The following PITPNM3 variants were observed in gnomAD, a reference collection of about 807,000 sequenced individuals.
The protein encoded by PITPNM3 is membrane-associated phosphatidylinositol transfer protein 3.
In PITPNM3, 26 loss-of-function variants were observed where a neutral mutation model predicts 102.0. That is an observed-to-expected ratio of 0.25 (90% confidence interval 0.19 to 0.35). The LOEUF (loss-of-function observed/expected upper bound fraction) is 0.35, where lower values mean the gene tolerates loss of function less well. PITPNM3 is among the 10% of genes least tolerant of loss of function. The pLI, the probability that PITPNM3 is intolerant of heterozygous loss-of-function variation, is 1.00. For synonymous variants in PITPNM3, 578 were observed against 558.6 expected (o/e 1.03, Z -0.49); for missense variants, 1,083 against 1,346.1 (o/e 0.80, Z 3.06).
intron 8 of PITPNM3, 131 bp from the exon 9 acceptor site, chr17:6,477,344 A>T (rs1193468198): frequency 1.1e-6 from 1 of 952,250 alleles, no homozygotes; most frequent in African/African-American, 1.6e-5. Flanking sequence ...TTCTTCCAAA[A>T]GACACAGGAA....
chr17:6,497,810 G>A (rs1395605915), intron 4 of PITPNM3, among the ~76,000 whole-genome samples: 1 of 152,214 alleles, frequency 6.6e-6, no homozygotes, highest in African/African-American at 2.4e-5. Context: ...CAATAGACAG[G>A]TCTTCCTGCT....
Position 6,452,005 on chromosome 17 carries a change from G to C in PITPNM3, c.*3333C>G, listed in dbSNP as rs1913871386. ...GATGCAGAGGACCCACGTGCCTCAT[G>C]AAAGACTCCAGGGCACAGGTATGGG... On this transcript the variant is annotated 3_prime_UTR_variant, in exon 20 of 20. Coordinates refer to ENST00000262483, the MANE Select transcript of PITPNM3 (RefSeq NM_031220.4). 1.3e-5 allele frequency: 2 copies of C among 151,350 alleles called. No individual in the cohort carries two copies. Among genetic ancestry groups the C allele is most frequent in the Admixed American group, 1.3e-4 (2 of 15,044 alleles). 9.4% of individuals were successfully genotyped at this position (151,350 alleles called of 1,614,324 possible). A position where few individuals can be genotyped will look rare whatever the true frequency, so the allele number is the denominator to read the frequency against.
chr17:6,506,315 T>C (rs762426847), intron 3 of PITPNM3, among the ~76,000 whole-genome samples: 8 of 152,094 alleles, frequency 5.3e-5, no homozygotes, highest in Non-Finnish European at 1.0e-4. Context: ...TAAAACCTGT[T>C]ATGGTGTTTT....
intron 4 of PITPNM3, among the ~76,000 whole-genome samples, chr17:6,495,347 T>C (rs962110893): frequency 6.6e-6 from 1 of 152,200 alleles, no homozygotes; most frequent in South Asian, 2.1e-4. Flanking sequence ...GGAAGGTTTG[T>C]GGCAGAGCTT....
intron 3 of PITPNM3, among the ~76,000 whole-genome samples, chr17:6,523,717 G>C (rs774935991): frequency 6.6e-6 from 1 of 152,224 alleles, no homozygotes; most frequent in Non-Finnish European, 1.5e-5. Context: ...TGGGATGAAG[G>C]AAAGAGCAGC....
At chr17:6,491,277 T>C (rs1025877818) in intron 4 of PITPNM3, among the ~76,000 whole-genome samples, 1 of 152,010 alleles carries the variant, frequency 6.6e-6, no homozygotes, top group African/African-American at 2.4e-5. Flanking sequence ...GGGAACACAC[T>C]GGCAGAATAA....
rs1049373865 is a variant in PITPNM3, at chr17:6,556,364, C to A, written c.22+21G>T. On this transcript the variant is annotated intron_variant, in intron 1 of 19. Transcript: ENST00000262483. The surrounding 1 kb of genome is among the most constrained non-coding windows in gnomAD (Gnocchi z 5.2). ...TCCCTCCCCCGGGCCCCGGCCCTGC[C>A]CTCCCCGCGCCCGCCCTCACCTGCA... 5.0e-6 allele frequency: 7 copies of A among 1,402,512 alleles called. No individual in the cohort carries two copies. The Admixed American group carries it at 1.6e-4, about 31-fold the overall frequency. The allele number at this position is 1,402,512 out of a possible 1,614,324, so 86.9% of individuals were successfully genotyped here. A position where few individuals can be genotyped will look rare whatever the true frequency, so the allele number is the denominator to read the frequency against.
chr17:6,554,318 C>CAA (rs35188321), intron 1 of PITPNM3, among the ~76,000 whole-genome samples: 1,235 of 74,472 alleles, frequency 0.017, 36 homozygotes, highest in South Asian at 0.05. Context: ...GACTCCATCT[C>CAA]AAAAAAAAAA....
chr17:6,468,881 C>G lies in PITPNM3; in HGVS notation c.1774-540G>C, dbSNP rs1904918191. Reference sequence around the variant, plus strand: ...CTGCTGTCCCTCACAGCAGCACTGACAGAGGACTTAGCCCATATGCTGTCA... The same window carrying G: ...CTGCTGTCCCTCACAGCAGCACTGAGAGAGGACTTAGCCCATATGCTGTCA... On this transcript the variant is annotated intron_variant, in intron 13 of 19. Coordinates refer to ENST00000262483, the MANE Select transcript of PITPNM3 (RefSeq NM_031220.4). The surrounding 1 kb of genome is among the most constrained non-coding windows in gnomAD (Gnocchi z 5.2). Among the ~76,000 whole-genome samples, 1 of 152,182 alleles carries G rather than the reference C, an allele frequency of 6.6e-6. No homozygotes were observed. The highest frequency in any genetic ancestry group is 6.5e-5 in the Admixed American group (1 of 15,286).
At chr17:6,495,208 A>G (rs1248086983) in intron 4 of PITPNM3, among the ~76,000 whole-genome samples, 1 of 151,658 alleles carries the variant, frequency 6.6e-6, no homozygotes, top group Admixed American at 6.6e-5. Flanking sequence ...GGCATTTTAT[A>G]CCATGTATAT....
chr17:6,519,822 T>C (rs928949628), intron 3 of PITPNM3, among the ~76,000 whole-genome samples: 1 of 151,562 alleles, frequency 6.6e-6, no homozygotes, highest in Non-Finnish European at 1.5e-5. Context: ...AGAGCAAGAC[T>C]CTGTCTCCAA....
In PITPNM3 at chr17:6,455,303, G is replaced by GC. The variant is rs748647107; in HGVS notation, c.*34dup. The GC allele has an allele frequency of 4.0e-5, 62 of 1,533,418 alleles. No individual in the cohort carries two copies. The highest frequency in any genetic ancestry group is 5.3e-5 in the Non-Finnish European group (61 of 1,143,950). The allele number at this position is 1,533,418 out of a possible 1,614,324, so 95.0% of individuals were successfully genotyped here. A position where few individuals can be genotyped will look rare whatever the true frequency, so the allele number is the denominator to read the frequency against. ...CCGTCCCCGCAGGCAGCCTGATTGG[G>GC]CCCCCCGCTCCCTGCTCTGAGCACA... On this transcript the variant is annotated 3_prime_UTR_variant, in exon 20 of 20. Coordinates refer to ENST00000262483, the MANE Select transcript of PITPNM3 (RefSeq NM_031220.4).
Position 6,556,121 on chromosome 17 carries a change from G to A in PITPNM3, c.22+264C>T, listed in dbSNP as rs1381992429. ...CTCCCAACGGCGGGACTGGCCCGGG[G>A]CGCCGCAGACCTGGCCCTTTCCGGC... On this transcript the variant is annotated intron_variant, in intron 1 of 19. Transcript: ENST00000262483. The surrounding 1 kb of genome is among the most constrained non-coding windows in gnomAD (Gnocchi z 5.2). Among the ~76,000 whole-genome samples, 2 of 152,012 alleles carry A rather than the reference G, an allele frequency of 1.3e-5. No individual in the cohort carries two copies. The highest frequency in any genetic ancestry group is 2.4e-5 in the African/African-American group (1 of 41,426).
chr17:6,551,673 T>G (rs1910306903), intron 1 of PITPNM3, among the ~76,000 whole-genome samples: 1 of 152,076 alleles, frequency 6.6e-6, no homozygotes, highest in Admixed American at 6.6e-5. Context: ...GCCCAGAGTT[T>G]GAGACCAGCC....
intron 3 of PITPNM3, among the ~76,000 whole-genome samples, chr17:6,513,801 G>A (rs1180493090): frequency 2.6e-5 from 4 of 152,198 alleles, no homozygotes; most frequent in African/African-American, 9.7e-5. Flanking sequence ...TCATATGGAA[G>A]TGCAAGAAGC....
intron 9 of PITPNM3, 60 bp from the exon 10 acceptor site, chr17:6,474,664 T>G: frequency 6.6e-7 from 1 of 1,515,990 alleles, no homozygotes; most frequent in Admixed American, 2.0e-5. Flanking sequence ...AATGCGGGAG[T>G]GTTCACACAG....
Position 6,458,957 on chromosome 17 carries a change from C to T in PITPNM3, c.2491-1235G>A, listed in dbSNP as rs1465586161. ...CCCTACCCCATCCTGCAGGTGACTG[C>T]CTTCGATGCTGGACCAAGGAGAGGG... On this transcript the variant is annotated intron_variant, in intron 18 of 19. Coordinates refer to ENST00000262483, the MANE Select transcript of PITPNM3 (RefSeq NM_031220.4). The surrounding 1 kb of genome is among the most constrained non-coding windows in gnomAD (Gnocchi z 5.1). Among the ~76,000 whole-genome samples the T allele has an allele frequency of 6.6e-6, 1 of 152,136 alleles. No homozygotes were observed. Among genetic ancestry groups the T allele is most frequent in the African/African-American group, 2.4e-5 (1 of 41,422 alleles).
Position 6,478,920 on chromosome 17 carries a change from G to T in PITPNM3, c.588-184C>A, listed in dbSNP as rs1905493404. 1.6e-6 allele frequency: 1 copy of T among 636,042 alleles called. No individual in the cohort carries two copies. Among genetic ancestry groups the T allele is most frequent in the East Asian group, 2.7e-5 (1 of 36,432 alleles). The allele number at this position is 636,042 out of a possible 1,614,324, so 39.4% of individuals were successfully genotyped here. Reference sequence around the variant, plus strand: ...GCAGTGTGGGGAGGAGAGGGGAAGAGGATTCAAGCCTACACTGACTCCCTG... The same window carrying T: ...GCAGTGTGGGGAGGAGAGGGGAAGATGATTCAAGCCTACACTGACTCCCTG... On this transcript the variant is annotated intron_variant, in intron 6 of 19. Coordinates refer to ENST00000262483, the MANE Select transcript of PITPNM3 (RefSeq NM_031220.4). The surrounding 1 kb of genome is among the most constrained non-coding windows in gnomAD (Gnocchi z 4.4).
At chr17:6,516,883 G>GA (rs902343408) in intron 3 of PITPNM3, among the ~76,000 whole-genome samples, 2 of 149,360 alleles carry the variant, frequency 1.3e-5, no homozygotes, top group African/African-American at 2.5e-5. Context: ...AAGAAAGAAA[G>GA]AAAAAAAAAT....
Sources: gnomAD v4.1 joint callset for allele counts (sites outside exome capture counted in the v4.1 genomes callset) on GRCh38, gnomAD v4.1.1 for gene constraint, Gnocchi (gnomAD v3.1) non-coding constraint, MANE v1.5 for transcripts, NCBI Gene and HGNC (gene_info 2026-07-23, HGNC 2026-07-21) for gene names.